Variants in PCDHGA2 observed in about 807,000 individuals in gnomAD.
PCDHGA2 encodes the protein protocadherin gamma subfamily A, 2, also known as protocadherin gamma-A2.
Under a neutral mutation model 59.2 loss-of-function variants are expected in PCDHGA2, and 40 were observed. The observed-to-expected ratio is 0.68, with a 90% CI of 0.52 to 0.88. PCDHGA2 has a LOEUF of 0.88. Among genes scored for constraint, PCDHGA2 ranks in the 40% least tolerant of loss-of-function variants. The probability of loss-of-function intolerance (pLI) is 0.00; values close to 1 mark genes in which losing one functional copy is unlikely to be tolerated. For synonymous variants in PCDHGA2, 560 were observed against 526.0 expected (o/e 1.06, Z -0.89); for missense variants, 1,226 against 1,204.0 (o/e 1.02, Z -0.27).
At position 141,512,574 on chromosome 5, in the gene PCDHGA2, C is replaced by T. The variant is rs1429371202; in HGVS notation, c.*1401C>T. 6.5e-6 allele frequency: 1 copy of T among 152,884 alleles called. No homozygotes were observed. Among genetic ancestry groups the T allele is most frequent in the Non-Finnish European group, 1.5e-5 (1 of 68,502 alleles). The allele number at this position is 152,884 out of a possible 1,614,324, so 9.5% of individuals were successfully genotyped here. On this transcript the variant is annotated 3_prime_UTR_variant, in exon 4 of 4. Coordinates refer to ENST00000394576, the MANE Select transcript of PCDHGA2 (RefSeq NM_018915.4). ...GTGCATAGACCTTCTTCTCCCACCCCCTTCTGCCCCTGGGTCCCCGGCCAT... is the reference window on the plus strand; with the variant it reads ...GTGCATAGACCTTCTTCTCCCACCCTCTTCTGCCCCTGGGTCCCCGGCCAT...
chr5:141,408,437 G>A (rs368564960), intron 1 of PCDHGA2: 1 of 1,614,068 alleles, frequency 6.2e-7, no homozygotes, highest in Admixed American at 1.7e-5. Flanking sequence ...CAGCGTAGAC[G>A]CGGAGAGCGG....
rs961891623 is a variant in PCDHGA2 at position 141,487,938 on chromosome 5, GC to G, written c.2425-6868del. The G allele has an allele frequency of 2.8e-5, 17 of 600,188 alleles. No homozygotes were observed. The highest frequency in any genetic ancestry group is 4.7e-5 in the Non-Finnish European group (16 of 342,978). 37.2% of individuals were successfully genotyped at this position (600,188 alleles called of 1,614,324 possible). ...GAGGCTACAGTGCACAGGGTACAGTGCACCAGGCAGTCACTTGGACAAAGGT... is the reference window on the plus strand; with the variant it reads ...GAGGCTACAGTGCACAGGGTACAGTGACCAGGCAGTCACTTGGACAAAGGT... On this transcript the variant is annotated intron_variant, in intron 1 of 3. Coordinates refer to ENST00000394576, the MANE Select transcript of PCDHGA2 (RefSeq NM_018915.4). The surrounding 1 kb of genome is among the most constrained non-coding windows in gnomAD (Gnocchi z 5.0).
chr5:141,483,213 C>T (rs1343903817), intron 1 of PCDHGA2, among the ~76,000 whole-genome samples: 1 of 152,142 alleles, frequency 6.6e-6, no homozygotes, highest in Non-Finnish European at 1.5e-5. Flanking sequence ...ATATAGATGA[C>T]AGTCACTGCA....
At chr5:141,418,726 G>C (rs1399333996) in intron 1 of PCDHGA2, 1 of 1,613,986 alleles carries the variant, frequency 6.2e-7, no homozygotes, top group Non-Finnish European at 8.5e-7. Flanking sequence ...ACAAAGCTCA[G>C]CACGTGTTCT....
intron 1 of PCDHGA2, chr5:141,441,337 T>A (rs980210130): frequency 6.6e-6 from 1 of 152,112 alleles, no homozygotes; most frequent in African/African-American, 2.4e-5. Flanking sequence ...CTCCAATAAT[T>A]AACTACATGC....
intron 1 of PCDHGA2, chr5:141,418,786 TGAA>T: frequency 1.2e-6 from 2 of 1,613,854 alleles, no homozygotes; most frequent in Non-Finnish European, 8.5e-7. Flanking sequence ...CTTTGGATTT[TGAA>T]GAAGTAGAAA....
chr5:141,423,811 T>G, intron 1 of PCDHGA2: 1 of 1,254,642 alleles, frequency 8.0e-7, no homozygotes, highest in Non-Finnish European at 1.0e-6. Flanking sequence ...ACATGTGAGT[T>G]TTACTTTGCC....
chr5:141,454,567 C>G (rs572130062), intron 1 of PCDHGA2, among the ~76,000 whole-genome samples: 1 of 150,856 alleles, frequency 6.6e-6, no homozygotes, highest in Non-Finnish European at 1.5e-5. Flanking sequence ...CCACCACGCC[C>G]GGCTAATTTT....
chr5:141,510,272 TAAAA>T (rs546154379), intron 3 of PCDHGA2, among the ~76,000 whole-genome samples: 1 of 130,390 alleles, frequency 7.7e-6, no homozygotes, highest in East Asian at 2.2e-4. Context: ...GACTCCATCT[TAAAA>T]AAAAAAAAAA....
At chr5:141,472,295 A>G (rs147192748) in intron 1 of PCDHGA2, among the ~76,000 whole-genome samples, 8,225 of 152,254 alleles carry the variant, frequency 0.054, 462 homozygotes, top group African/African-American at 0.15. Flanking sequence ...TAATCCCAGC[A>G]CTTTGGGAAG....
At chr5:141,374,840 G>A (rs766575793) in intron 1 of PCDHGA2, 4 of 1,613,792 alleles carry the variant, frequency 2.5e-6, no homozygotes, top group Non-Finnish European at 3.4e-6. Context: ...AAGTGTTCCT[G>A]AAAACCTGCC....
chr5:141,346,665 A>T (rs1561492694), intron 1 of PCDHGA2: 2 of 717,104 alleles, frequency 2.8e-6, no homozygotes, highest in Non-Finnish European at 4.6e-6. Flanking sequence ...AAAAAATAAT[A>T]CATCGTGAGT....
chr5:141,405,398 C>A, intron 1 of PCDHGA2: 1 of 1,590,262 alleles, frequency 6.3e-7, no homozygotes, highest in Non-Finnish European at 8.6e-7. Flanking sequence ...TTTTTTCTTT[C>A]TTTCTTTTCT....
At chr5:141,408,410 G>C (rs1329403051) in intron 1 of PCDHGA2, 1 of 1,613,932 alleles carries the variant, frequency 6.2e-7, no homozygotes, top group African/African-American at 1.3e-5. Flanking sequence ...GCGAGTGAGC[G>C]CGGAGAAGCT....
At chr5:141,391,324 T>C (rs1246568740) in intron 1 of PCDHGA2, 2 of 151,644 alleles carry the variant, frequency 1.3e-5, no homozygotes, top group Non-Finnish European at 2.9e-5. Context: ...TTTCTTTTTT[T>C]TTTTTTGAGA....
At chr5:141,387,967 C>G in intron 1 of PCDHGA2, 1 of 1,489,226 alleles carries the variant, frequency 6.7e-7, no homozygotes, top group Non-Finnish European at 9.0e-7. Flanking sequence ...TTCTGCCCGG[C>G]GCTCTGTGAG....
At position 141,339,750 on chromosome 5, in the gene PCDHGA2, G is replaced by A. The variant is rs201553091; in HGVS notation, c.779G>A (p.Arg260Gln). The change falls in exon 1 of 4, where the codon CGG (arginine) becomes CAG (glutamine). Residue 260 changes from arginine (R) to glutamine (Q), a missense_variant. Transcript: ENST00000394576. ...SIPENTLVGTRILTVTATDAD... is the reference protein window; with the variant it reads ...SIPENTLVGTQILTVTATDAD... ...CCGGAGAATACGCTCGTGGGCACCC[G>A]GATACTCACGGTGACCGCCACTGAC... 320 of 1,613,954 alleles carry A rather than the reference G, an allele frequency of 2.0e-4. 1 individual carries two copies. The highest frequency in any genetic ancestry group is 1.1e-4 in the Non-Finnish European group (135 of 1,180,010).
At chr5:141,455,289 A>G (rs1592356100) in intron 1 of PCDHGA2, among the ~76,000 whole-genome samples, 2 of 152,192 alleles carry the variant, frequency 1.3e-5, no homozygotes, top group East Asian at 3.9e-4. Context: ...ATCACTTTAC[A>G]TAGTTTCATC....
chr5:141,381,026 C>A (rs1409313580), intron 1 of PCDHGA2, among the ~76,000 whole-genome samples: 1 of 152,144 alleles, frequency 6.6e-6, no homozygotes, highest in Non-Finnish European at 1.5e-5. Flanking sequence ...CTATTAGTTC[C>A]TTTAAACAAA....
Sources: gnomAD v4.1 joint callset for allele counts (sites outside exome capture counted in the v4.1 genomes callset) on GRCh38, gnomAD v4.1.1 for gene constraint, Gnocchi (gnomAD v3.1) non-coding constraint, MANE v1.5 for transcripts, NCBI Gene and HGNC (gene_info 2026-07-23, HGNC 2026-07-21) for gene names.